IFT70A: variants seen among roughly 807,000 people sequenced by gnomAD.
The protein encoded by IFT70A is intraflagellar transport protein 70A.
the IFT70A span, chr2:177,617,337 G>A: frequency 1.9e-5 from 30 of 1,592,732 alleles, no homozygotes; most frequent in Middle Eastern, 1.7e-4. Flanking sequence ...CATCATGGTC[G>A]TTACAGAATT....
At chr2:177,617,540 C>T in the IFT70A span, 19 of 1,614,124 alleles carry the variant, frequency 1.2e-5, no homozygotes, top group Non-Finnish European at 1.6e-5. Flanking sequence ...CGAAGCTGCT[C>T]AGTCAGCATC....
At chr2:177,615,773 G>A in the IFT70A span, 1 of 152,068 alleles carries the variant, frequency 6.6e-6, no homozygotes, top group Non-Finnish European at 1.5e-5. Flanking sequence ...TCAAATGATT[G>A]TGAAATCCCA....
chr2:177,617,294 T>C, the IFT70A span: 1 of 1,580,218 alleles, frequency 6.3e-7, no homozygotes, highest in Non-Finnish European at 8.6e-7. Context: ...TTTTCCTGCA[T>C]GAACAGAACA....
the IFT70A span, chr2:177,618,232 T>G: frequency 6.2e-7 from 1 of 1,614,252 alleles, no homozygotes; most frequent in South Asian, 1.1e-5. Flanking sequence ...CAGGTTGACC[T>G]GGCCATCGGT....
the IFT70A span, chr2:177,615,771 T>C: frequency 7.2e-5 from 11 of 152,248 alleles, no homozygotes; most frequent in South Asian, 1.7e-3. Context: ...GTTCAAATGA[T>C]TGTGAAATCC....
At chr2:177,616,927 G>A in the IFT70A span, 1 of 1,602,940 alleles carries the variant, frequency 6.2e-7, no homozygotes, top group Non-Finnish European at 8.5e-7. Flanking sequence ...TTCTAACAAG[G>A]ACAGGAAGCA....
At chr2:177,616,861 T>C in the IFT70A span, 1 of 1,595,294 alleles carries the variant, frequency 6.3e-7, no homozygotes, top group Non-Finnish European at 8.5e-7. Context: ...TCCTAAAAAC[T>C]GGACACATTC....
chr2:177,613,491 CT>C, the IFT70A span: 1 of 152,124 alleles, frequency 6.6e-6, no homozygotes, highest in East Asian at 1.9e-4. Flanking sequence ...TCCATATACA[CT>C]ATAGTGTATG....
chr2:177,618,502 C>T, the IFT70A span: 1 of 1,586,034 alleles, frequency 6.3e-7, no homozygotes, highest in Non-Finnish European at 8.6e-7. Context: ...CTGCTCATAG[C>T]ACTCGGCCGC....
At chr2:177,618,719 T>C in the IFT70A span, 25 of 1,527,880 alleles carry the variant, frequency 1.6e-5, no homozygotes, top group Middle Eastern at 1.8e-4. Flanking sequence ...ACGGCTGTTA[T>C]GCGTGCGGTT....
At chr2:177,618,072 A>G in the IFT70A span, 2 of 1,614,212 alleles carry the variant, frequency 1.2e-6, no homozygotes. Flanking sequence ...TCTCAGCGAT[A>G]TGCTTCAGTG....
chr2:177,615,131 AT>A, the IFT70A span: 1 of 152,224 alleles, frequency 6.6e-6, no homozygotes, highest in Non-Finnish European at 1.5e-5. Flanking sequence ...GAAGTACATC[AT>A]TAGCTAAATC....
At chr2:177,614,225 T>C in the IFT70A span, 1 of 152,132 alleles carries the variant, frequency 6.6e-6, no homozygotes, top group East Asian at 1.9e-4. Context: ...GGCTAGTAAA[T>C]TAATTACCGT....
the IFT70A span, chr2:177,616,946 C>A: frequency 6.2e-7 from 1 of 1,606,034 alleles, no homozygotes; most frequent in Non-Finnish European, 8.5e-7. Context: ...CATCTTTTGG[C>A]ATAATACCAG....
chr2:177,616,588 A>T, the IFT70A span: 2 of 1,003,376 alleles, frequency 2.0e-6, no homozygotes, highest in Non-Finnish European at 1.4e-6. Context: ...ACTTGTTCTT[A>T]CAAAGTGGAT....
At chr2:177,618,252 G>A in the IFT70A span, 3 of 1,614,066 alleles carry the variant, frequency 1.9e-6, no homozygotes, top group African/African-American at 2.7e-5. Context: ...TCTCATTGTC[G>A]CCTCCACTTT....
At chr2:177,613,187 G>A in the IFT70A span, 1 of 152,068 alleles carries the variant, frequency 6.6e-6, no homozygotes, top group Non-Finnish European at 1.5e-5. Flanking sequence ...ACAGTTTAAT[G>A]GTAATGAATC....
chr2:177,618,609 C>T, the IFT70A span: 3 of 1,607,924 alleles, frequency 1.9e-6, no homozygotes, highest in Non-Finnish European at 2.5e-6. Flanking sequence ...CCAGCAGCTG[C>T]ACCGCCTCGG....
At chr2:177,618,609 C>G in the IFT70A span, 1 of 1,607,924 alleles carries the variant, frequency 6.2e-7, no homozygotes, top group Non-Finnish European at 8.5e-7. Flanking sequence ...CCAGCAGCTG[C>G]ACCGCCTCGG....
Sources: allele counts gnomAD v4.1 joint callset, GRCh38; gene constraint gnomAD v4.1.1; transcripts MANE v1.5; gene names NCBI Gene and HGNC (gene_info 2026-07-23, HGNC 2026-07-21).